Variants in RALGPS1 observed in about 807,000 individuals in gnomAD.
The protein encoded by RALGPS1 is Ral GEF with PH domain and SH3 binding motif 1.
RALGPS1 carries 19 observed loss-of-function variants against 78.8 expected under a neutral mutation model. The observed-to-expected ratio is 0.24, with a 90% CI of 0.17 to 0.35. The LOEUF (loss-of-function observed/expected upper bound fraction) is 0.35, where lower values mean the gene tolerates loss of function less well. RALGPS1 is among the 10% of genes least tolerant of loss of function. The pLI is 1.00. For synonymous variants in RALGPS1, 228 were observed against 256.3 expected, an observed-to-expected ratio of 0.89 and a Z score of 1.06; for missense variants, 454 against 688.3, an observed-to-expected ratio of 0.66 and a Z score of 3.81.
intron 7 of RALGPS1, among the ~76,000 whole-genome samples, chr9:127,063,016 G>T (rs1173017583): frequency 6.6e-6 from 1 of 152,122 alleles, no homozygotes; most frequent in East Asian, 1.9e-4. Flanking sequence ...GTAGACACTG[G>T]AATTGAAATG....
chr9:127,200,315 G>A (rs896966613), intron 14 of RALGPS1, among the ~76,000 whole-genome samples: 5 of 152,382 alleles, frequency 3.3e-5, no homozygotes, highest in Non-Finnish European at 5.9e-5. Flanking sequence ...CCTGTGCCAA[G>A]CACTGTCCTG....
At chr9:127,061,407 A>G (rs1301420481) in intron 7 of RALGPS1, among the ~76,000 whole-genome samples, 1 of 152,240 alleles carries the variant, frequency 6.6e-6, no homozygotes. Flanking sequence ...TTGCAAGTTG[A>G]GCTGAAGTAT....
At chr9:126,982,901 TTTCTTC>T (rs1174434563) in intron 4 of RALGPS1, among the ~76,000 whole-genome samples, 2,570 of 102,642 alleles carry the variant, frequency 0.025, 175 homozygotes, top group East Asian at 0.1. Flanking sequence ...CTTCTCTTCT[TTTCTTC>T]TTCTTCTTCT....
At chr9:127,180,784 T>C (rs2060164795) in intron 11 of RALGPS1, among the ~76,000 whole-genome samples, 1 of 152,254 alleles carries the variant, frequency 6.6e-6, no homozygotes, top group African/African-American at 2.4e-5. Context: ...ATTACATGCA[T>C]AGACTCTGTC....
At chr9:126,971,339 A>G (rs2040095265) in intron 3 of RALGPS1, among the ~76,000 whole-genome samples, 1 of 151,734 alleles carries the variant, frequency 6.6e-6, no homozygotes, top group South Asian at 2.1e-4. Context: ...GAGAATGTCA[A>G]CCCTAAATGG....
chr9:127,181,534 A>G (rs528918535), intron 11 of RALGPS1, among the ~76,000 whole-genome samples: 1 of 152,386 alleles, frequency 6.6e-6, no homozygotes, highest in East Asian at 1.9e-4. Flanking sequence ...TTACATTGGC[A>G]TGTCCTTGAC....
At chr9:126,971,005 TTAAAAA>T (rs1407138671) in intron 3 of RALGPS1, among the ~76,000 whole-genome samples, 1 of 151,986 alleles carries the variant, frequency 6.6e-6, no homozygotes, top group Non-Finnish European at 1.5e-5. Flanking sequence ...TAGGGAAGAC[TTAAAAA>T]TAAAAGAATT....
At chr9:126,977,812 CTG>C in intron 4 of RALGPS1, 67 bp downstream of exon 4, 1 of 1,175,238 alleles carries the variant, frequency 8.5e-7, no homozygotes, top group South Asian at 1.4e-5. Context: ...TAGCCAGCCA[CTG>C]TTAGAGTGTC....
intron 8 of RALGPS1, among the ~76,000 whole-genome samples, chr9:127,075,044 C>A (rs1481273607): frequency 6.6e-6 from 1 of 152,226 alleles, no homozygotes; most frequent in Non-Finnish European, 1.5e-5. Context: ...CCTGTGCCAG[C>A]CTTCAGGCCT....
intron 13 of RALGPS1, 143 bp from the exon 14 acceptor site, chr9:127,198,872 T>C: frequency 1.3e-6 from 1 of 750,538 alleles, no homozygotes; most frequent in Non-Finnish European, 2.4e-6. Context: ...CAGCAAAAAC[T>C]CGAGTACGTT....
chr9:127,168,895 G>C, intron 10 of RALGPS1, 123 bp downstream of exon 10: 1 of 750,320 alleles, frequency 1.3e-6, no homozygotes, highest in Non-Finnish European at 2.3e-6. Flanking sequence ...GGGCTTATCA[G>C]AGTCCACAGC....
Position 127,168,708 on chromosome 9 carries a change from A to T in RALGPS1, c.778A>T (p.Lys260Ter). The T allele has an allele frequency of 6.2e-7, 1 of 1,613,864 alleles. No homozygotes were observed. Among genetic ancestry groups the T allele is most frequent in the Non-Finnish European group, 8.5e-7 (1 of 1,179,708 alleles). Residue 260 changes from lysine (K) to a stop codon, truncating the protein, a stop_gained, in exon 10 of 19, where the codon AAG (lysine) becomes TAG (stop). Transcript: ENST00000259351. LOFTEE classifies it high-confidence loss of function. ...CCTCACCACCCTGCCCCATGTGCAGAAGTACCTGAAGTCCGTACGCTACAT... is the reference window on the plus strand; with the variant it reads ...CCTCACCACCCTGCCCCATGTGCAGTAGTACCTGAAGTCCGTACGCTACAT... ...DHLTTLPHVQ[K>*]YLKSVRYIEE...
intron 4 of RALGPS1, among the ~76,000 whole-genome samples, chr9:127,014,388 A>G (rs377697731): frequency 6.6e-6 from 1 of 152,124 alleles, no homozygotes; most frequent in African/African-American, 2.4e-5. Context: ...CAGACAGTAC[A>G]AATGCCAGAA....
intron 14 of RALGPS1, among the ~76,000 whole-genome samples, chr9:127,208,160 A>T (rs7859545): frequency 1.3e-5 from 2 of 152,152 alleles, no homozygotes; most frequent in Admixed American, 1.3e-4. Context: ...AACTGCCAGG[A>T]GACTGCTCCA....
chr9:127,191,706 T>TG (rs2061053146), intron 11 of RALGPS1, among the ~76,000 whole-genome samples: 3 of 148,728 alleles, frequency 2.0e-5, no homozygotes, highest in Middle Eastern at 3.4e-3. Flanking sequence ...TTTTGTTTTT[T>TG]TTTTTTTTTG....
intron 1 of RALGPS1, among the ~76,000 whole-genome samples, chr9:126,927,426 C>T (rs2035386899): frequency 6.6e-6 from 1 of 152,134 alleles, no homozygotes; most frequent in Non-Finnish European, 1.5e-5. Context: ...ACCTCCACTT[C>T]TTTCCCTGCA....
At position 127,219,056 on chromosome 9, in the gene RALGPS1, A is replaced by G. The variant is rs1336553677; in HGVS notation, c.*287A>G. ...GGGCCCACCACCTGCATCTGCGACT[A>G]GAGAGCACCCGGCCCACGTTGGGTT... On this transcript the variant is annotated 3_prime_UTR_variant, in exon 19 of 19. Coordinates refer to ENST00000259351, the MANE Select transcript of RALGPS1 (RefSeq NM_014636.3). The surrounding 1 kb of genome is among the most constrained non-coding windows in gnomAD (Gnocchi z 5.0). 2 of 504,648 alleles carry G rather than the reference A, an allele frequency of 4.0e-6. No individual in the cohort carries two copies. The highest frequency in any genetic ancestry group is 3.6e-5 in the East Asian group (1 of 27,780). 31.3% of individuals were successfully genotyped at this position (504,648 alleles called of 1,614,324 possible). A position where few individuals can be genotyped will look rare whatever the true frequency, so the allele number is the denominator to read the frequency against.
In RALGPS1 at chr9:127,218,608, A is replaced by G; in HGVS notation, c.1645-132A>G. 1.1e-6 allele frequency: 1 copy of G among 926,100 alleles called. No homozygotes were observed. The highest frequency in any genetic ancestry group is 2.2e-4 in the Middle Eastern group (1 of 4,636). The allele number at this position is 926,100 out of a possible 1,614,324, so 57.4% of individuals were successfully genotyped here. A position where few individuals can be genotyped will look rare whatever the true frequency, so the allele number is the denominator to read the frequency against. Reference sequence around the variant, plus strand: ...ACATGGGGTGGCTATTGTTATTGCCATACCCTCTCCCTACCCAACCTGCTC... The same window carrying G: ...ACATGGGGTGGCTATTGTTATTGCCGTACCCTCTCCCTACCCAACCTGCTC... On this transcript the variant is annotated intron_variant, in intron 18 of 18. Transcript: ENST00000259351. The surrounding 1 kb of genome is among the most constrained non-coding windows in gnomAD (Gnocchi z 4.4).
chr9:126,918,649 A>T (rs1564249886), intron 1 of RALGPS1, among the ~76,000 whole-genome samples: 1 of 150,812 alleles, frequency 6.6e-6, no homozygotes, highest in Non-Finnish European at 1.5e-5. Context: ...TATTTTGAGG[A>T]AGTAAAAAAA....
Sources: gnomAD v4.1 joint callset for allele counts (sites outside exome capture counted in the v4.1 genomes callset) on GRCh38, gnomAD v4.1.1 for gene constraint, Gnocchi (gnomAD v3.1) non-coding constraint, MANE v1.5 for transcripts, NCBI Gene and HGNC (gene_info 2026-07-23, HGNC 2026-07-21) for gene names.